Variants in IFT74 observed in about 807,000 individuals in gnomAD.
IFT74 encodes intraflagellar transport 74, also known as intraflagellar transport protein 74 homolog.
IFT74 carries 92 observed loss-of-function variants against 96.7 expected under a neutral mutation model. That is an observed-to-expected ratio of 0.95 (90% CI 0.80 to 1.13). The LOEUF (loss-of-function observed/expected upper bound fraction) is 1.13. Ranked by LOEUF, IFT74 falls within the 50% of genes most tolerant of loss-of-function variation. IFT74 has a pLI of 0.00. For missense variants in IFT74, 811 were observed against 698.2 expected (o/e 1.16, Z -1.82); for synonymous variants, 223 against 213.2 (o/e 1.05, Z -0.40).
At chr9:27,061,707 T>TATATGTAC (rs1564011674) in intron 19 of IFT74, among the ~76,000 whole-genome samples, 45 of 141,902 alleles carry the variant, frequency 3.2e-4, no homozygotes, top group African/African-American at 1.1e-3. Flanking sequence ...GTACATAATA[T>TATATGTAC]ATAATATATA....
chr9:26,988,626 G>A, intron 6 of IFT74, 43 bp from the exon 7 acceptor site: 1 of 1,493,134 alleles, frequency 6.7e-7, no homozygotes, highest in East Asian at 2.3e-5. Context: ...CATGTGTAAA[G>A]ACTAACAAAA....
At chr9:26,984,597 T>C (rs1314536156) in intron 6 of IFT74, 38 bp downstream of exon 6, 7 of 1,496,204 alleles carry the variant, frequency 4.7e-6, no homozygotes, top group Middle Eastern at 1.8e-4. Context: ...CTGTTAATAT[T>C]TTCATTAGTT....
At chr9:27,056,512 C>G (rs1820165568) in intron 18 of IFT74, 53 bp downstream of exon 18, 1 of 1,456,422 alleles carries the variant, frequency 6.9e-7, no homozygotes, top group African/African-American at 1.5e-5. Context: ...ATTTTCACCC[C>G]AAAACAATCA....
At chr9:26,966,281 A>G (rs1454030600) in intron 2 of IFT74, among the ~76,000 whole-genome samples, 1 of 152,082 alleles carries the variant, frequency 6.6e-6, no homozygotes, top group African/African-American at 2.4e-5. Flanking sequence ...ACTAACTTAC[A>G]TTCCCCCCAA....
At chr9:26,981,772 T>C (rs1381422227) in intron 4 of IFT74, among the ~76,000 whole-genome samples, 1 of 150,308 alleles carries the variant, frequency 6.7e-6, no homozygotes, top group Middle Eastern at 3.3e-3. Context: ...AGAATAATTT[T>C]TTTTTTTTTT....
chr9:27,050,137 A>G (rs986804813), intron 16 of IFT74, among the ~76,000 whole-genome samples: 1 of 152,152 alleles, frequency 6.6e-6, no homozygotes, highest in African/African-American at 2.4e-5. Flanking sequence ...AGCTCACTGC[A>G]GCATTTACTT....
intron 12 of IFT74, among the ~76,000 whole-genome samples, chr9:27,025,088 G>A (rs1829797597): frequency 6.6e-6 from 1 of 151,972 alleles, no homozygotes; most frequent in African/African-American, 2.4e-5. Flanking sequence ...TTTGGAAAAT[G>A]TATTTGAGGG....
At chr9:27,053,047 TAG>T (rs1820002312) in intron 16 of IFT74, among the ~76,000 whole-genome samples, 1 of 151,912 alleles carries the variant, frequency 6.6e-6, no homozygotes, top group Non-Finnish European at 1.5e-5. Flanking sequence ...GTATTTTTAG[TAG>T]AGACGGGGTT....
chr9:26,979,098 T>A (rs1827247802), intron 3 of IFT74, among the ~76,000 whole-genome samples: 2 of 152,052 alleles, frequency 1.3e-5, no homozygotes, highest in Non-Finnish European at 2.9e-5. Context: ...ATTAATTATA[T>A]CATACATGCT....
chr9:27,038,250 A>ATATGGT, intron 13 of IFT74, among the ~76,000 whole-genome samples: 1 of 151,966 alleles, frequency 6.6e-6, no homozygotes, highest in Non-Finnish European at 1.5e-5. Context: ...GAAGTCAGGA[A>ATATGGT]TATGGTTTTG....
At chr9:26,971,435 G>A (rs1193427180) in intron 2 of IFT74, among the ~76,000 whole-genome samples, 1 of 152,146 alleles carries the variant, frequency 6.6e-6, no homozygotes, top group African/African-American at 2.4e-5. Flanking sequence ...CTTGAGACAA[G>A]ACCTCCCTCA....
chr9:27,001,422 C>T (rs1264060441), intron 8 of IFT74, among the ~76,000 whole-genome samples: 1 of 152,092 alleles, frequency 6.6e-6, no homozygotes, highest in Non-Finnish European at 1.5e-5. Context: ...TTTACATTCC[C>T]AAGAGTGTAT....
At chr9:26,973,135 G>T (rs1315777511) in intron 2 of IFT74, among the ~76,000 whole-genome samples, 2 of 152,200 alleles carry the variant, frequency 1.3e-5, no homozygotes, top group South Asian at 2.1e-4. Context: ...CAAGGGGCAT[G>T]CGCAGAAAGC....
At chr9:26,950,978 T>G (rs1433239599) in intron 1 of IFT74, among the ~76,000 whole-genome samples, 1 of 152,226 alleles carries the variant, frequency 6.6e-6, no homozygotes, top group Non-Finnish European at 1.5e-5. Context: ...TTCAAAGGTT[T>G]AAAACAAATC....
At position 27,056,362 on chromosome 9, in the gene IFT74, CA is replaced by C; in HGVS notation, c.1528del (p.Thr510ProfsTer9). On this transcript the variant is annotated frameshift_variant, in exon 18 of 20. Transcript: ENST00000380062. LOFTEE classifies it high-confidence loss of function. Reference protein sequence around the residue: ...KKLHQERMILSTHRNAFKKIM... With the variant: ...KKLHQERMILXTHRNAFKKIM... Reference sequence around the variant, plus strand: ...TTACATCAGGAGAGAATGATATTATCAACCCACAGAAATGCCTTTAAGAAAA... The same window carrying C: ...TTACATCAGGAGAGAATGATATTATCACCCACAGAAATGCCTTTAAGAAAA... 6.3e-7 allele frequency: 1 copy of C among 1,587,996 alleles called. No individual in the cohort carries two copies. Among genetic ancestry groups the C allele is most frequent in the Non-Finnish European group, 8.6e-7 (1 of 1,162,472 alleles).
chr9:26,966,378 G>A (rs1489941438), intron 2 of IFT74, among the ~76,000 whole-genome samples: 1 of 152,038 alleles, frequency 6.6e-6, no homozygotes, highest in East Asian at 1.9e-4. Context: ...TAACTGGAGT[G>A]AGATGATATC....
chr9:27,044,952 A>G (rs533283256), intron 14 of IFT74, among the ~76,000 whole-genome samples, 157 bp downstream of exon 14: 1 of 152,362 alleles, frequency 6.6e-6, no homozygotes, highest in South Asian at 2.1e-4. Flanking sequence ...TTTCTAGCAT[A>G]ATTTAGAGAT....
intron 13 of IFT74, among the ~76,000 whole-genome samples, chr9:27,040,779 G>T (rs1819444017): frequency 6.6e-6 from 1 of 152,046 alleles, no homozygotes; most frequent in African/African-American, 2.4e-5. Flanking sequence ...GTTGTGTATT[G>T]ATCAGGAGAG....
rs796998949 is a variant in IFT74 at position 27,063,179 on chromosome 9, T to C, written c.*443T>C. On this transcript the variant is annotated 3_prime_UTR_variant, in exon 20 of 20. Transcript: ENST00000380062. ...GAAGGGAGATTTTTAGCTTTGAATG[T>C]TACTTCTCAAATAGGTTATATTTGA... Among the ~76,000 whole-genome samples, 23 of 152,260 alleles carry C rather than the reference T, an allele frequency of 1.5e-4. No individual in the cohort carries two copies. Among genetic ancestry groups the C allele is most frequent in the African/African-American group, 3.8e-4 (16 of 41,570 alleles).
Sources: allele counts gnomAD v4.1 joint callset (sites outside exome capture counted in the v4.1 genomes callset), GRCh38; gene constraint gnomAD v4.1.1; transcripts MANE v1.5; gene names NCBI Gene and HGNC (gene_info 2026-07-23, HGNC 2026-07-21).